Variants in TENM1 observed in about 807,000 individuals in gnomAD.
TENM1 encodes teneurin-1.
TENM1 carries 35 observed loss-of-function variants against 174.8 expected under a neutral mutation model. The ratio of observed to expected loss-of-function variants is 0.20; its 90% CI spans 0.15 to 0.27. The LOEUF (loss-of-function observed/expected upper bound fraction) is 0.27. TENM1 is among the 10% of genes least tolerant of loss of function. The pLI is 1.00. For missense variants in TENM1, 1,633 were observed against 2,130.1 expected, an observed-to-expected ratio of 0.77 and a Z score of 4.59; for synonymous variants, 781 against 798.7, an observed-to-expected ratio of 0.98 and a Z score of 0.37.
intron 3 of TENM1, among the ~76,000 whole-genome samples, chrX:124,827,559 G>T (rs2056194787): frequency 9.0e-6 from 1 of 111,549 alleles, no homozygotes; most frequent in East Asian, 2.8e-4. Flanking sequence ...TTGCTTGAGG[G>T]CCCTAAACAA....
chrX:125,189,805 T>C, the TENM1 span, among the ~76,000 whole-genome samples: 1 of 112,361 alleles, frequency 8.9e-6, no homozygotes, highest in African/African-American at 3.2e-5. Flanking sequence ...TATGCATACA[T>C]GTGTATGGAT....
At chrX:124,857,314 G>A (rs1053622381) in intron 3 of TENM1, among the ~76,000 whole-genome samples, 2 of 111,459 alleles carry the variant, frequency 1.8e-5, no homozygotes, top group Non-Finnish European at 3.8e-5. Context: ...CACTCTCTGT[G>A]AAATCAGAAG....
chrX:125,041,112 C>T, the TENM1 span, among the ~76,000 whole-genome samples: 2 of 111,596 alleles, frequency 1.8e-5, no homozygotes, highest in Admixed American at 9.6e-5. Context: ...TTGCCAGAGA[C>T]GGTTCTATTT....
At chrX:124,658,078 G>A (rs1341952391) in intron 6 of TENM1, among the ~76,000 whole-genome samples, 1 of 111,562 alleles carries the variant, frequency 9.0e-6, no homozygotes, top group Non-Finnish European at 1.9e-5. Flanking sequence ...GAGCAAAATG[G>A]GAGGTGGAAC....
At chrX:124,576,654 T>A (rs1454231090) in intron 11 of TENM1, among the ~76,000 whole-genome samples, 1 of 112,238 alleles carries the variant, frequency 8.9e-6, no homozygotes, top group East Asian at 2.8e-4. Context: ...TTATACTGCA[T>A]CTTGTCTAAG....
the TENM1 span, among the ~76,000 whole-genome samples, chrX:124,989,081 T>C: frequency 9.0e-6 from 1 of 111,233 alleles, no homozygotes; most frequent in Non-Finnish European, 1.9e-5. Context: ...GCAAAGGAAA[T>C]AAAAGCAATA....
chrX:125,059,283 C>T, the TENM1 span, among the ~76,000 whole-genome samples: 1 of 111,336 alleles, frequency 9.0e-6, no homozygotes. Flanking sequence ...TCTGGTCAAA[C>T]ACAAGTCTGG....
At chrX:124,962,075 G>A (rs2058662434) in intron 1 of TENM1, among the ~76,000 whole-genome samples, 1 of 111,727 alleles carries the variant, frequency 9.0e-6, no homozygotes, top group Non-Finnish European at 1.9e-5. Flanking sequence ...ATACAAGGAA[G>A]ATGAGTGGGA....
chrX:124,512,725 A>G (rs2266896), intron 18 of TENM1, among the ~76,000 whole-genome samples: 18,848 of 110,807 alleles, frequency 0.17, 1,218 homozygotes, highest in Middle Eastern at 0.2. Context: ...TCTCATTTTC[A>G]TTGTCTCTCA....
chrX:124,917,489 T>C (rs2057946137), intron 1 of TENM1, among the ~76,000 whole-genome samples: 1 of 111,539 alleles, frequency 9.0e-6, no homozygotes, highest in South Asian at 3.8e-4. Context: ...TAACCCCACA[T>C]AGACTTCCTG....
chrX:125,203,112 G>A, the TENM1 span, among the ~76,000 whole-genome samples: 1,591 of 113,081 alleles, frequency 0.014, 32 homozygotes, highest in African/African-American at 0.047. Context: ...GTATAGGGAG[G>A]ACGCATCGGG....
At chrX:125,093,797 T>C in the TENM1 span, among the ~76,000 whole-genome samples, 5 of 111,734 alleles carry the variant, frequency 4.5e-5, no homozygotes, top group African/African-American at 1.3e-4. Flanking sequence ...TTTCAAGAAA[T>C]ATTATAGAAA....
At chrX:125,074,396 C>G in the TENM1 span, among the ~76,000 whole-genome samples, 1 of 110,063 alleles carries the variant, frequency 9.1e-6, no homozygotes, top group Non-Finnish European at 1.9e-5. Context: ...GCTTAGGCAC[C>G]TACCATATCA....
chrX:124,751,037 T>A (rs781454892), intron 3 of TENM1, among the ~76,000 whole-genome samples: 186 of 112,123 alleles, frequency 1.7e-3, no homozygotes, highest in Non-Finnish European at 3.0e-3. Flanking sequence ...ATTTATGTAA[T>A]CTATAGTAAC....
intron 15 of TENM1, among the ~76,000 whole-genome samples, chrX:124,536,474 T>C (rs1200026899): frequency 9.0e-6 from 1 of 111,106 alleles, no homozygotes; most frequent in African/African-American, 3.3e-5. Flanking sequence ...GCAGATAGAT[T>C]TTTAAGCAGA....
At chrX:124,923,703 C>T (rs374339377) in intron 1 of TENM1, among the ~76,000 whole-genome samples, 14 of 111,893 alleles carry the variant, frequency 1.3e-4, no homozygotes, top group African/African-American at 1.9e-4. Flanking sequence ...TAAAAGTAGA[C>T]GAGTGAGGCA....
At chrX:124,755,169 C>T (rs1360855635) in intron 3 of TENM1, among the ~76,000 whole-genome samples, 1 of 104,137 alleles carries the variant, frequency 9.6e-6, no homozygotes, top group Non-Finnish European at 1.9e-5. Flanking sequence ...AATCTGGGTG[C>T]TCCTGTATTG....
chrX:124,862,329 T>A (rs1382434255), intron 3 of TENM1, among the ~76,000 whole-genome samples: 1 of 111,488 alleles, frequency 9.0e-6, no homozygotes, highest in Non-Finnish European at 1.9e-5. Context: ...TAGTACCTGG[T>A]TTTAACTTCA....
intron 18 of TENM1, 50 bp downstream of exon 21, chrX:124,520,467 C>A (rs773074076): frequency 2.8e-6 from 3 of 1,053,341 alleles, no homozygotes; most frequent in Non-Finnish European, 2.6e-6. Flanking sequence ...CAAGTATTTT[C>A]TGTTCTGTGC....
Sources: allele counts gnomAD v4.1 joint callset (sites outside exome capture counted in the v4.1 genomes callset), GRCh38; gene constraint gnomAD v4.1.1; transcripts MANE v1.5; gene names NCBI Gene and HGNC (gene_info 2026-07-23, HGNC 2026-07-21).